Variants in RARB observed in about 807,000 individuals in gnomAD.
The protein encoded by RARB is HBV-activated protein.
Under a neutral mutation model 51.9 loss-of-function variants are expected in RARB, and 17 were observed. The observed-to-expected ratio is 0.33, with a 90% CI of 0.22 to 0.49. The LOEUF is 0.49. RARB is among the 20% of genes least tolerant of loss of function. The probability of loss-of-function intolerance (pLI) is 0.99; values close to 1 mark genes in which losing one functional copy is unlikely to be tolerated. For missense variants in RARB, 369 were observed against 550.8 expected, an observed-to-expected ratio of 0.67 and a Z score of 3.30; for synonymous variants, 215 against 195.4, an observed-to-expected ratio of 1.10 and a Z score of -0.84.
At chr3:24,940,759 C>T (rs1399161001) in intron 2 of RARB, among the ~76,000 whole-genome samples, 1 of 152,182 alleles carries the variant, frequency 6.6e-6, no homozygotes, top group Non-Finnish European at 1.5e-5. Flanking sequence ...AAAGCATGAG[C>T]TCTGGAGTCA....
chr3:25,487,169 C>G (rs1296402), intron 2 of RARB, among the ~76,000 whole-genome samples: 124,747 of 152,130 alleles, frequency 0.82, 52,637 homozygotes, highest in South Asian at 0.98. Flanking sequence ...TACCCTCAGT[C>G]GCGTTTGACA....
At chr3:25,222,178 G>A (rs1256391727) in intron 5 of RARB, among the ~76,000 whole-genome samples, 1 of 152,192 alleles carries the variant, frequency 6.6e-6, no homozygotes, top group Non-Finnish European at 1.5e-5. Flanking sequence ...ACTACCCAGT[G>A]CAGAAAGCAT....
At chr3:25,429,368 C>T (rs1708111003) in intron 1 of RARB, among the ~76,000 whole-genome samples, 1 of 152,142 alleles carries the variant, frequency 6.6e-6, no homozygotes, top group Non-Finnish European at 1.5e-5. Context: ...TGACATTTTC[C>T]TTGAAAGGAA....
intron 1 of RARB, among the ~76,000 whole-genome samples, chr3:25,451,820 A>C (rs955140126): frequency 8.5e-5 from 13 of 152,230 alleles, no homozygotes; most frequent in Admixed American, 2.0e-4. Flanking sequence ...GTGTATCTGA[A>C]ATGATATACA....
At chr3:25,283,047 C>A (rs370695459) in intron 5 of RARB, among the ~76,000 whole-genome samples, 2 of 152,152 alleles carry the variant, frequency 1.3e-5, no homozygotes, top group Non-Finnish European at 2.9e-5. Flanking sequence ...CAACTGGCCA[C>A]GCAGAGTGGT....
chr3:25,177,380 A>G (rs1700776245), intron 5 of RARB, among the ~76,000 whole-genome samples: 1 of 152,212 alleles, frequency 6.6e-6, no homozygotes, highest in South Asian at 2.1e-4. Context: ...CTAGCAACAC[A>G]CATACTTGGG....
At chr3:25,003,941 G>A (rs1024512864) in intron 2 of RARB, among the ~76,000 whole-genome samples, 11 of 152,120 alleles carry the variant, frequency 7.2e-5, no homozygotes, top group Admixed American at 2.6e-4. Context: ...AAAACAGATT[G>A]GCCTCATCAG....
intron 2 of RARB, among the ~76,000 whole-genome samples, chr3:24,914,744 AT>A (rs1409598332): frequency 6.6e-6 from 1 of 152,162 alleles, no homozygotes; most frequent in African/African-American, 2.4e-5. Context: ...AACCATTCAT[AT>A]TTTTCAAATA....
intron 2 of RARB, among the ~76,000 whole-genome samples, chr3:24,997,136 T>G (rs1324881679): frequency 1.7e-5 from 2 of 117,896 alleles, no homozygotes; most frequent in East Asian, 5.1e-4. Context: ...ATCTGAGGGC[T>G]CCAGCATTGG....
At chr3:25,345,378 T>G (rs1705357792) in intron 5 of RARB, among the ~76,000 whole-genome samples, 1 of 152,058 alleles carries the variant, frequency 6.6e-6, no homozygotes, top group African/African-American at 2.4e-5. Context: ...CTATAAGCAA[T>G]TCATCTGGCT....
chr3:25,429,840 T>G (rs928897611), intron 1 of RARB, among the ~76,000 whole-genome samples: 5 of 152,238 alleles, frequency 3.3e-5, no homozygotes, highest in Non-Finnish European at 7.3e-5. Flanking sequence ...GACAGTGATT[T>G]AGATAAATGG....
At chr3:25,414,091 C>T (rs1236179520) in intron 5 of RARB, among the ~76,000 whole-genome samples, 1 of 151,966 alleles carries the variant, frequency 6.6e-6, no homozygotes, top group Admixed American at 6.6e-5. Context: ...AGCCCTGTCT[C>T]TAGGCAACCA....
intron 2 of RARB, among the ~76,000 whole-genome samples, chr3:25,014,499 C>A (rs1396906180): frequency 6.6e-6 from 1 of 152,018 alleles, no homozygotes; most frequent in Non-Finnish European, 1.5e-5. Context: ...GCGTACAGAC[C>A]CCAGTCATGT....
intron 4 of RARB, among the ~76,000 whole-genome samples, chr3:25,156,885 G>A (rs146131424): frequency 8.5e-4 from 130 of 152,350 alleles, no homozygotes; most frequent in African/African-American, 2.9e-3. Flanking sequence ...TAGGAATGTG[G>A]CAGGCCTTTC....
chr3:25,131,442 T>C (rs758800870), intron 3 of RARB, among the ~76,000 whole-genome samples: 4 of 151,984 alleles, frequency 2.6e-5, no homozygotes, highest in Non-Finnish European at 4.4e-5. Context: ...AGATGTAGGG[T>C]TTTATAGTCG....
At chr3:25,373,749 C>T (rs961516616) in intron 5 of RARB, among the ~76,000 whole-genome samples, 1 of 152,168 alleles carries the variant, frequency 6.6e-6, no homozygotes, top group Non-Finnish European at 1.5e-5. Flanking sequence ...CTCTCACACT[C>T]CCTTCTAACT....
At chr3:25,328,956 G>C (rs1252580375) in intron 5 of RARB, among the ~76,000 whole-genome samples, 1 of 152,206 alleles carries the variant, frequency 6.6e-6, no homozygotes, top group Non-Finnish European at 1.5e-5. Flanking sequence ...CGAACTGCAA[G>C]GTGGCAGCGA....
At chr3:25,076,943 A>G (rs1421454229) in intron 3 of RARB, among the ~76,000 whole-genome samples, 1 of 152,198 alleles carries the variant, frequency 6.6e-6, no homozygotes, top group African/African-American at 2.4e-5. Flanking sequence ...GGGAGCTATA[A>G]ATAAACATCA....
At chr3:25,250,379 G>C (rs928420208) in intron 5 of RARB, among the ~76,000 whole-genome samples, 8 of 152,194 alleles carry the variant, frequency 5.3e-5, no homozygotes, top group Admixed American at 6.5e-5. Flanking sequence ...ATGCTTGGGT[G>C]GGGGCAGCAG....
Sources: allele counts gnomAD v4.1 joint callset (sites outside exome capture counted in the v4.1 genomes callset), GRCh38; gene constraint gnomAD v4.1.1; transcripts MANE v1.5; gene names NCBI Gene and HGNC (gene_info 2026-07-23, HGNC 2026-07-21).